Variants in ART1 observed in about 807,000 individuals in gnomAD.
The protein encoded by ART1 is ADP-ribosyltransferase 1.
In ART1, 29 loss-of-function variants were observed where a neutral mutation model predicts 27.0. The observed-to-expected ratio is 1.08, with a 90% confidence interval of 0.80 to 1.47. The LOEUF is 1.47. Ranked by LOEUF, ART1 falls within the 40% of genes most tolerant of loss-of-function variation. The pLI, the probability that ART1 is intolerant of heterozygous loss-of-function variation, is 0.00. For missense variants in ART1, 480 were observed against 423.0 expected, an observed-to-expected ratio of 1.13 and a Z score of -1.18; for synonymous variants, 201 against 172.2, an observed-to-expected ratio of 1.17 and a Z score of -1.31.
chr11:3,649,756 G>C (rs2077503164), intron 1 of ART1, among the ~76,000 whole-genome samples: 1 of 152,164 alleles, frequency 6.6e-6, no homozygotes, highest in Non-Finnish European at 1.5e-5. Flanking sequence ...TGAAGCTAAA[G>C]GCGTAGTCAA....
intron 4 of ART1, 186 bp from the exon 5 acceptor site, chr11:3,663,906 C>T (rs2077641203): frequency 1.7e-6 from 1 of 582,822 alleles, no homozygotes; most frequent in Non-Finnish European, 3.1e-6. Context: ...TACCATTGGA[C>T]CAGCTCCTCC....
chr11:3,657,269 A>G (rs1045097013), intron 1 of ART1, among the ~76,000 whole-genome samples: 5 of 152,182 alleles, frequency 3.3e-5, no homozygotes, highest in African/African-American at 1.2e-4. Context: ...CTATATTACC[A>G]TTTGTGTACA....
intron 4 of ART1, among the ~76,000 whole-genome samples, chr11:3,662,409 C>G (rs1216547620): frequency 2.6e-5 from 4 of 152,202 alleles, no homozygotes; most frequent in African/African-American, 7.2e-5. Flanking sequence ...ACTCCTTTGT[C>G]CTTCAGAACT....
chr11:3,646,308 G>A (rs918978436), intron 1 of ART1, among the ~76,000 whole-genome samples: 3 of 152,088 alleles, frequency 2.0e-5, no homozygotes, highest in Non-Finnish European at 4.4e-5. Context: ...AGGGCAGGGG[G>A]TGTGGATGTT....
chr11:3,650,451 G>GGAGTC (rs2077511484), intron 1 of ART1, among the ~76,000 whole-genome samples: 2 of 152,148 alleles, frequency 1.3e-5, no homozygotes, highest in Non-Finnish European at 2.9e-5. Flanking sequence ...TAGACCATCA[G>GGAGTC]GGACTCCGAG....
intron 1 of ART1, among the ~76,000 whole-genome samples, chr11:3,657,118 C>T (rs1245079321): frequency 2.0e-5 from 3 of 152,198 alleles, no homozygotes; most frequent in African/African-American, 4.8e-5. Flanking sequence ...GATAAAGCAG[C>T]GACGCTTAAC....
intron 1 of ART1, among the ~76,000 whole-genome samples, chr11:3,655,155 C>G (rs1281835839): frequency 2.6e-5 from 4 of 152,164 alleles, no homozygotes; most frequent in Admixed American, 1.3e-4. Context: ...GGGCTGGGCT[C>G]AGGTCTGTTC....
At position 3,664,338 on chromosome 11, in the gene ART1, G is replaced by T. The variant is rs957539728; in HGVS notation, c.*149G>T. On this transcript the variant is annotated 3_prime_UTR_variant, in exon 5 of 5. Coordinates refer to ENST00000250693, the MANE Select transcript of ART1 (RefSeq NM_004314.3). ...CTGGTAGCTGCCAGACCGGCTGGTG[G>T]AGAAACAGGAGACAATCTGGGGACT... The T allele has an allele frequency of 2.4e-5, 17 of 707,406 alleles. No individual in the cohort carries two copies. The African/African-American group carries it at 3.0e-4, about 13-fold the overall frequency. The allele number at this position is 707,406 out of a possible 1,614,324, so 43.8% of individuals were successfully genotyped here. A position where few individuals can be genotyped will look rare whatever the true frequency, so the allele number is the denominator to read the frequency against.
intron 1 of ART1, among the ~76,000 whole-genome samples, chr11:3,653,504 T>A (rs866172423): frequency 6.6e-6 from 1 of 151,136 alleles, no homozygotes; most frequent in Non-Finnish European, 1.5e-5. Context: ...ACCCAAATCC[T>A]ATAAAACGGA....
At chr11:3,647,314 C>T (rs918206508) in intron 1 of ART1, among the ~76,000 whole-genome samples, 2 of 147,978 alleles carry the variant, frequency 1.4e-5, no homozygotes, top group African/African-American at 2.6e-5. Context: ...GAGCAAAACT[C>T]CGTCTCAAAA....
intron 4 of ART1, among the ~76,000 whole-genome samples, chr11:3,663,066 A>G (rs1297554411): frequency 8.4e-6 from 1 of 118,766 alleles, no homozygotes; most frequent in African/African-American, 3.5e-5. Flanking sequence ...ATCTCATCTC[A>G]TCTCATCTCA....
At position 3,660,137 on chromosome 11, in the gene ART1, G is replaced by A. The variant is rs145683174; in HGVS notation, c.618G>A (p.Lys206=). 6.2e-7 allele frequency: 1 copy of A among 1,613,960 alleles called. No homozygotes were observed. Among genetic ancestry groups the A allele is most frequent in the South Asian group, 1.1e-5 (1 of 91,086 alleles). The change falls in exon 3 of 5, where the codon AAG becomes AAA. Residue 206 remains lysine, a synonymous_variant. Transcript: ENST00000250693. ...GGGGCTTTGCTTCTGCCTCCCTGAA[G>A]CATGTTGCAGCCCAGCAGTTTGGTG... ...RLGGFASASL[K]HVAAQQFGED...
rs745376187 is a variant in ART1, at chr11:3,663,068, CTCATCTCA to C, written c.887-1013_887-1006del. On this transcript the variant is annotated intron_variant, in intron 4 of 4. Transcript: ENST00000250693. ...CTCATCTCATCTCATCTCATCTCAT[CTCATCTCA>C]TCATCTCATCTCATCATCTCATCTC... Among the ~76,000 whole-genome samples the C allele has an allele frequency of 5.4e-3, 637 of 119,036 alleles. 11 individuals carry two copies. Among genetic ancestry groups the C allele is most frequent in the African/African-American group, 0.021 (553 of 25,954 alleles). The allele number at this position is 119,036 out of a possible 152,430, so 78.1% of individuals were successfully genotyped here. A position where few individuals can be genotyped will look rare whatever the true frequency, so the allele number is the denominator to read the frequency against.
intron 1 of ART1, among the ~76,000 whole-genome samples, chr11:3,654,841 A>T (rs79593047): frequency 0.023 from 3,407 of 150,416 alleles, 75 homozygotes; most frequent in Non-Finnish European, 0.035. Flanking sequence ...AGGTCCACTA[A>T]TTCCATGTCC....
At chr11:3,655,502 A>T (rs1442623944) in intron 1 of ART1, 1 of 152,226 alleles carries the variant, frequency 6.6e-6, no homozygotes, top group Non-Finnish European at 1.5e-5. Flanking sequence ...CACAAAAAAC[A>T]GGCTCCCAGG....
At chr11:3,649,629 T>A (rs2077501579) in intron 1 of ART1, among the ~76,000 whole-genome samples, 1 of 152,182 alleles carries the variant, frequency 6.6e-6, no homozygotes, top group African/African-American at 2.4e-5. Context: ...CAGCCTCAGC[T>A]CCTCCACCCT....
intron 1 of ART1, among the ~76,000 whole-genome samples, chr11:3,649,882 G>A (rs978901901): frequency 1.3e-5 from 2 of 152,014 alleles, no homozygotes; most frequent in East Asian, 1.9e-4. Context: ...ACCCTGAGAC[G>A]CTTTACAGCC....
intron 1 of ART1, among the ~76,000 whole-genome samples, chr11:3,655,131 G>T (rs950643214): frequency 3.9e-5 from 6 of 152,198 alleles, no homozygotes; most frequent in Admixed American, 6.5e-5. Flanking sequence ...CTCAGCTGGG[G>T]TCTTCCTTGC....
intron 1 of ART1, among the ~76,000 whole-genome samples, chr11:3,655,092 G>A (rs1286786711): frequency 6.6e-6 from 1 of 152,214 alleles, no homozygotes; most frequent in African/African-American, 2.4e-5. Flanking sequence ...GGACTTGGTT[G>A]GGCAGCTCTG....
Sources: allele counts gnomAD v4.1 joint callset (sites outside exome capture counted in the v4.1 genomes callset), GRCh38; gene constraint gnomAD v4.1.1; transcripts MANE v1.5; gene names NCBI Gene and HGNC (gene_info 2026-07-23, HGNC 2026-07-21).